Variants in GPR158 observed in about 807,000 individuals in gnomAD.
GPR158 encodes the protein metabotropic glycine receptor.
In GPR158, 30 loss-of-function variants were observed where a neutral mutation model predicts 78.2. The observed-to-expected ratio is 0.38, with a 90% CI of 0.29 to 0.52. GPR158 has a LOEUF of 0.52. GPR158 is among the 20% of genes least tolerant of loss of function. The probability of loss-of-function intolerance (pLI) is 0.83; values close to 1 mark genes in which losing one functional copy is unlikely to be tolerated. For missense variants in GPR158, 1,463 were observed against 1,523.5 expected, an observed-to-expected ratio of 0.96 and a Z score of 0.66; for synonymous variants, 581 against 591.1, an observed-to-expected ratio of 0.98 and a Z score of 0.25.
At chr10:25,334,449 G>A (rs1056422080) in intron 2 of GPR158, among the ~76,000 whole-genome samples, 2 of 152,034 alleles carry the variant, frequency 1.3e-5, no homozygotes, top group Non-Finnish European at 2.9e-5. Flanking sequence ...CTGTCATTGC[G>A]AAGCTTCAAT....
intron 2 of GPR158, among the ~76,000 whole-genome samples, chr10:25,293,366 C>CT (rs955502861): frequency 1.4e-4 from 21 of 152,242 alleles, no homozygotes; most frequent in African/African-American, 5.1e-4. Context: ...TATGGTCTGC[C>CT]TAGGCTAAGC....
chr10:25,409,630 A>G (rs1168415131), intron 3 of GPR158, among the ~76,000 whole-genome samples: 2 of 152,238 alleles, frequency 1.3e-5, no homozygotes, highest in Non-Finnish European at 2.9e-5. Context: ...CAGTGTTAGA[A>G]AAAGAGATAT....
At chr10:25,448,887 T>G (rs1835176541) in intron 4 of GPR158, among the ~76,000 whole-genome samples, 1 of 152,204 alleles carries the variant, frequency 6.6e-6, no homozygotes, top group Admixed American at 6.5e-5. Context: ...GCAATACAAA[T>G]GTATTTTATA....
intron 2 of GPR158, among the ~76,000 whole-genome samples, chr10:25,347,274 G>A (rs894178190): frequency 1.3e-5 from 2 of 151,900 alleles, no homozygotes; most frequent in Non-Finnish European, 2.9e-5. Flanking sequence ...AAGCCAGCAA[G>A]TGTCATCTCT....
intron 2 of GPR158, among the ~76,000 whole-genome samples, chr10:25,265,311 T>C (rs1284133583): frequency 1.3e-5 from 2 of 152,132 alleles, no homozygotes. Context: ...CATCACATTC[T>C]CTCTCTTCTC....
intron 7 of GPR158, among the ~76,000 whole-genome samples, chr10:25,586,583 T>C (rs1328368846): frequency 6.6e-6 from 1 of 151,830 alleles, no homozygotes; most frequent in African/African-American, 2.4e-5. Flanking sequence ...TTTAAATTTT[T>C]TTAATTTTTA....
intron 2 of GPR158, among the ~76,000 whole-genome samples, chr10:25,301,363 TAG>T (rs772563568): frequency 4.6e-5 from 7 of 152,312 alleles, no homozygotes; most frequent in Admixed American, 3.9e-4. Flanking sequence ...GGCTATTAGT[TAG>T]AAATGAAATA....
At chr10:25,401,556 T>G (rs1261939504) in intron 3 of GPR158, among the ~76,000 whole-genome samples, 3 of 152,162 alleles carry the variant, frequency 2.0e-5, no homozygotes, top group Non-Finnish European at 2.9e-5. Flanking sequence ...AAATCTTCCT[T>G]TTCCTCCACT....
chr10:25,259,124 CA>C (rs1217168120), intron 2 of GPR158, among the ~76,000 whole-genome samples: 4 of 152,094 alleles, frequency 2.6e-5, no homozygotes, highest in Admixed American at 1.3e-4. Context: ...GGCCTTGTCT[CA>C]AAAGTTGCAG....
chr10:25,403,139 T>C (rs946366549), intron 3 of GPR158, among the ~76,000 whole-genome samples: 1 of 151,974 alleles, frequency 6.6e-6, no homozygotes. Context: ...TAGAATTCCA[T>C]TGAATAAATG....
At chr10:25,219,115 G>C (rs1267509104) in intron 1 of GPR158, among the ~76,000 whole-genome samples, 1 of 152,168 alleles carries the variant, frequency 6.6e-6, no homozygotes, top group Admixed American at 6.5e-5. Flanking sequence ...AACCTACTTC[G>C]ATTGAAAGTT....
chr10:25,454,969 C>T (rs1835271478), intron 4 of GPR158, among the ~76,000 whole-genome samples: 1 of 152,062 alleles, frequency 6.6e-6, no homozygotes. Flanking sequence ...AGTTGGTCAA[C>T]AAAATTTTGG....
chr10:25,474,044 A>G (rs1330942621), intron 5 of GPR158, among the ~76,000 whole-genome samples: 1 of 152,118 alleles, frequency 6.6e-6, no homozygotes, highest in Non-Finnish European at 1.5e-5. Context: ...AAAAGAGGGA[A>G]GCAGAAGAGA....
intron 6 of GPR158, among the ~76,000 whole-genome samples, chr10:25,559,202 T>TC (rs1836829440): frequency 6.6e-6 from 1 of 152,252 alleles, no homozygotes; most frequent in African/African-American, 2.4e-5. Context: ...GAAATGACCT[T>TC]CATCATCCCT....
chr10:25,534,623 A>G (rs1340347843), intron 5 of GPR158, among the ~76,000 whole-genome samples: 17 of 151,354 alleles, frequency 1.1e-4, no homozygotes, highest in Non-Finnish European at 2.5e-4. Context: ...GTGTGGTGGC[A>G]CGTATCTGTA....
intron 3 of GPR158, among the ~76,000 whole-genome samples, chr10:25,402,407 AT>A (rs1834459797): frequency 6.6e-6 from 1 of 152,118 alleles, no homozygotes; most frequent in African/African-American, 2.4e-5. Context: ...TATTCTGGCA[AT>A]TGATGAAATT....
chr10:25,208,345 C>T (rs563232600), intron 1 of GPR158, among the ~76,000 whole-genome samples: 5 of 152,188 alleles, frequency 3.3e-5, no homozygotes, highest in African/African-American at 7.2e-5. Context: ...TCTCAATTAC[C>T]TACAGCGTTA....
intron 5 of GPR158, among the ~76,000 whole-genome samples, chr10:25,486,277 A>G (rs74124014): frequency 0.025 from 3,738 of 152,222 alleles, 164 homozygotes; most frequent in African/African-American, 0.085. Context: ...CCCAGTATCT[A>G]CTTTAAGTCA....
chr10:25,274,021 G>A (rs985399033), intron 2 of GPR158, among the ~76,000 whole-genome samples: 3 of 152,236 alleles, frequency 2.0e-5, no homozygotes, highest in Admixed American at 6.5e-5. Context: ...TCTCTGCTCC[G>A]TGTGGTTTAG....
Sources: allele counts gnomAD v4.1 joint callset (sites outside exome capture counted in the v4.1 genomes callset), GRCh38; gene constraint gnomAD v4.1.1; transcripts MANE v1.5; gene names NCBI Gene and HGNC (gene_info 2026-07-23, HGNC 2026-07-21).